The following ST7L variants were observed in gnomAD, a reference collection of about 807,000 sequenced individuals.
ST7L encodes the protein suppression of tumorigenicity 7 like.
A neutral mutation model predicts 72.5 loss-of-function variants in ST7L; 57 were observed. That is an observed-to-expected ratio of 0.79 (90% CI 0.64 to 0.98). ST7L has a LOEUF of 0.98. ST7L is among the 50% of genes least tolerant of loss of function. The pLI is 0.00. For synonymous variants in ST7L, 221 were observed against 240.9 expected, an observed-to-expected ratio of 0.92 and a Z score of 0.77; for missense variants, 576 against 672.2, an observed-to-expected ratio of 0.86 and a Z score of 1.58.
chr1:112,523,163 ATTC>A (rs1351373580), downstream of ST7L: 1 of 152,086 alleles, frequency 6.6e-6, no homozygotes, highest in African/African-American at 2.4e-5. Context: ...CCTACTCTCT[ATTC>A]TTTGGTTTTT....
chr1:112,548,611 C>T (rs1051546664), intron 13 of ST7L, among the ~76,000 whole-genome samples: 11 of 152,208 alleles, frequency 7.2e-5, no homozygotes, highest in Non-Finnish European at 1.5e-4. Context: ...AATTTTCCTT[C>T]CTAGACTTCA....
downstream of ST7L, chr1:112,522,497 G>A (rs901015865): frequency 6.6e-6 from 1 of 152,188 alleles, no homozygotes; most frequent in Non-Finnish European, 1.5e-5. Flanking sequence ...AAAGAATTCT[G>A]GATACAGGCC....
At chr1:112,587,799 T>C (rs1049683611) in intron 6 of ST7L, among the ~76,000 whole-genome samples, 2 of 152,190 alleles carry the variant, frequency 1.3e-5, no homozygotes, top group Non-Finnish European at 2.9e-5. Context: ...GTATTCAGGG[T>C]CTCTTGCAGT....
intron 6 of ST7L, among the ~76,000 whole-genome samples, chr1:112,589,248 T>C (rs183695645): frequency 7.2e-5 from 11 of 152,116 alleles, no homozygotes; most frequent in African/African-American, 2.6e-4. Context: ...TTTCTATTAA[T>C]TTCTTTTCTT....
At chr1:112,587,286 A>G (rs1331751918) in intron 6 of ST7L, among the ~76,000 whole-genome samples, 3 of 152,068 alleles carry the variant, frequency 2.0e-5, no homozygotes, top group Non-Finnish European at 4.4e-5. Flanking sequence ...TCTTTCCTCC[A>G]CTGAATGGTT....
At chr1:112,543,908 G>T (rs952644929) in intron 13 of ST7L, among the ~76,000 whole-genome samples, 4 of 147,062 alleles carry the variant, frequency 2.7e-5, no homozygotes, top group Admixed American at 2.7e-4. Context: ...CTAGCAAACT[G>T]AAGGCCTAGG....
intron 3 of ST7L, among the ~76,000 whole-genome samples, chr1:112,608,950 A>G (rs1008468539): frequency 6.6e-6 from 1 of 152,220 alleles, no homozygotes; most frequent in Non-Finnish European, 1.5e-5. Flanking sequence ...CAAATGAGGC[A>G]TTTGGAATAT....
At chr1:112,556,987 A>C (rs1255981811) in intron 11 of ST7L, among the ~76,000 whole-genome samples, 2 of 140,790 alleles carry the variant, frequency 1.4e-5, no homozygotes, top group Non-Finnish European at 1.5e-5. Context: ...AAAAAAAACA[A>C]AAAAAAAAAA....
At chr1:112,599,127 T>TACACAC (rs71084480) in intron 4 of ST7L, among the ~76,000 whole-genome samples, 193 of 103,846 alleles carry the variant, frequency 1.9e-3, no homozygotes, top group East Asian at 0.012. Context: ...TGTGTGTGTA[T>TACACAC]ACACACACAC....
intron 5 of ST7L, 137 bp downstream of exon 5, chr1:112,597,834 G>C (rs1227574749): frequency 2.1e-6 from 1 of 468,528 alleles, no homozygotes; most frequent in African/African-American, 2.0e-5. Flanking sequence ...AATTTAATCT[G>C]AGTTTGTTAT....
intron 11 of ST7L, among the ~76,000 whole-genome samples, chr1:112,556,639 G>A (rs890151634): frequency 6.6e-6 from 1 of 152,044 alleles, no homozygotes; most frequent in Non-Finnish European, 1.5e-5. Context: ...TTTCTTAAGT[G>A]AATAATTATA....
At chr1:112,592,078 T>G (rs1184740762) in intron 5 of ST7L, among the ~76,000 whole-genome samples, 1 of 151,546 alleles carries the variant, frequency 6.6e-6, no homozygotes, top group Admixed American at 6.6e-5. Flanking sequence ...TTGCGTTTTG[T>G]GTAAAAGGGC....
At chr1:112,577,530 C>CAAAAAAAA (rs527682647) in intron 10 of ST7L, among the ~76,000 whole-genome samples, 2 of 24,112 alleles carry the variant, frequency 8.3e-5, no homozygotes, top group Non-Finnish European at 8.2e-5. Flanking sequence ...AACTCTGTCT[C>CAAAAAAAA]AAAAAAAAAA....
At chr1:112,617,751 ACAC>A (rs1557716832) in intron 1 of ST7L, among the ~76,000 whole-genome samples, 10 of 151,062 alleles carry the variant, frequency 6.6e-5, no homozygotes, top group African/African-American at 2.5e-4. Context: ...ACACACACAC[ACAC>A]ACGAAACGTA....
chr1:112,603,937 A>G (rs1329349389), intron 3 of ST7L, among the ~76,000 whole-genome samples: 1 of 152,192 alleles, frequency 6.6e-6, no homozygotes, highest in Non-Finnish European at 1.5e-5. Context: ...GGGGTTCAAA[A>G]TATGAATTTT....
At chr1:112,607,173 A>G (rs1167579545) in intron 3 of ST7L, 1 of 151,384 alleles carries the variant, frequency 6.6e-6, no homozygotes, top group Non-Finnish European at 1.5e-5. Context: ...TTTTTTTTTT[A>G]CCTAGTAAGG....
At chr1:112,538,040 G>T (rs1557945987) in intron 14 of ST7L, among the ~76,000 whole-genome samples, 1 of 152,132 alleles carries the variant, frequency 6.6e-6, no homozygotes, top group Non-Finnish European at 1.5e-5. Context: ...AACTCAATTT[G>T]CTCTGGCATG....
At chr1:112,542,611 C>T (rs1050249973) in intron 13 of ST7L, among the ~76,000 whole-genome samples, 1 of 151,800 alleles carries the variant, frequency 6.6e-6, no homozygotes, top group African/African-American at 2.4e-5. Context: ...AAAAATTAGC[C>T]CAGCATGGTG....
At chr1:112,609,435 G>A (rs972032305) in intron 3 of ST7L, among the ~76,000 whole-genome samples, 3 of 151,916 alleles carry the variant, frequency 2.0e-5, no homozygotes, top group East Asian at 1.9e-4. Context: ...GGAGGCTGAG[G>A]AAGGAGAATC....
Sources: gnomAD v4.1 joint callset for allele counts (sites outside exome capture counted in the v4.1 genomes callset) on GRCh38, gnomAD v4.1.1 for gene constraint, MANE v1.5 for transcripts, NCBI Gene and HGNC (gene_info 2026-07-23, HGNC 2026-07-21) for gene names.